The following SDK1 variants were observed in gnomAD, a reference collection of about 807,000 sequenced individuals.
SDK1 encodes protein sidekick-1.
SDK1 carries 157 observed loss-of-function variants against 245.5 expected under a neutral mutation model. The ratio of observed to expected loss-of-function variants is 0.64; its 90% CI spans 0.56 to 0.73. The LOEUF (loss-of-function observed/expected upper bound fraction) is 0.73. SDK1 is among the 30% of genes least tolerant of loss of function. SDK1 has a pLI of 0.00. For missense variants in SDK1, 3,583 were observed against 3,002.3 expected, an observed-to-expected ratio of 1.19 and a Z score of -4.52; for synonymous variants, 1,647 against 1,278.5, an observed-to-expected ratio of 1.29 and a Z score of -6.15.
At chr7:3,929,837 A>C (rs1321411384) in intron 5 of SDK1, among the ~76,000 whole-genome samples, 1 of 152,128 alleles carries the variant, frequency 6.6e-6, no homozygotes, top group Non-Finnish European at 1.5e-5. Flanking sequence ...GTAATTTATA[A>C]GGAAGCTGGC....
chr7:3,695,408 A>G (rs939600408), intron 4 of SDK1, among the ~76,000 whole-genome samples: 9 of 152,218 alleles, frequency 5.9e-5, no homozygotes, highest in East Asian at 1.9e-4. Flanking sequence ...TGTTTTCTAT[A>G]GGCACCCATA....
intron 5 of SDK1, among the ~76,000 whole-genome samples, chr7:3,871,550 C>T (rs1249771190): frequency 1.3e-5 from 2 of 152,196 alleles, no homozygotes; most frequent in Admixed American, 6.5e-5. Flanking sequence ...GTGCAGGAAG[C>T]ACGGTGCCAG....
At chr7:4,058,372 G>A (rs570192725) in intron 19 of SDK1, among the ~76,000 whole-genome samples, 1 of 152,150 alleles carries the variant, frequency 6.6e-6, no homozygotes, top group Non-Finnish European at 1.5e-5. Context: ...AAAGGAATGA[G>A]TATTTGAATT....
chr7:4,183,306 C>T (rs1287611286), intron 35 of SDK1, among the ~76,000 whole-genome samples: 2 of 152,124 alleles, frequency 1.3e-5, no homozygotes, highest in African/African-American at 4.8e-5. Context: ...TTTGTGACCT[C>T]TGGTCACATG....
chr7:3,449,282 C>G (rs1780440583), intron 1 of SDK1, among the ~76,000 whole-genome samples: 2 of 151,590 alleles, frequency 1.3e-5, no homozygotes, highest in African/African-American at 4.8e-5. Flanking sequence ...CCTTTATGCC[C>G]TGCACAGAGC....
intron 1 of SDK1, among the ~76,000 whole-genome samples, chr7:3,435,986 G>C (rs1187679252): frequency 1.3e-5 from 2 of 152,128 alleles, no homozygotes; most frequent in Non-Finnish European, 2.9e-5. Context: ...ACTTTGGAGA[G>C]GTTTAAATTC....
At chr7:3,500,313 C>T (rs1486436717) in intron 1 of SDK1, among the ~76,000 whole-genome samples, 1 of 152,122 alleles carries the variant, frequency 6.6e-6, no homozygotes, top group South Asian at 2.1e-4. Context: ...GTTAGTGGAA[C>T]ATGTCATCTG....
chr7:3,702,779 T>C (rs1159417294), intron 4 of SDK1, among the ~76,000 whole-genome samples: 1 of 152,198 alleles, frequency 6.6e-6, no homozygotes, highest in African/African-American at 2.4e-5. Context: ...TTCAGCATTT[T>C]TACTCATGGT....
In SDK1 at chr7:4,149,250, A is replaced by T; in HGVS notation, c.4424-12A>T. The T allele has an allele frequency of 1.3e-6, 2 of 1,505,192 alleles. No individual in the cohort carries two copies. The highest frequency in any genetic ancestry group is 1.8e-6 in the Non-Finnish European group (2 of 1,127,146). 93.2% of individuals were successfully genotyped at this position (1,505,192 alleles called of 1,614,324 possible). ...TCTCACATGTCCCTGGTCTGTCCTCATTTGGTTGCAGAGCGGCCGGCACCC... is the reference window on the plus strand; with the variant it reads ...TCTCACATGTCCCTGGTCTGTCCTCTTTTGGTTGCAGAGCGGCCGGCACCC... On this transcript the variant is annotated splice_polypyrimidine_tract_variant and intron_variant, in intron 29 of 44. Coordinates refer to ENST00000404826, the MANE Select transcript of SDK1 (RefSeq NM_152744.4).
intron 4 of SDK1, among the ~76,000 whole-genome samples, chr7:3,791,166 A>AC (rs1554262745): frequency 7.8e-5 from 11 of 140,320 alleles, no homozygotes; most frequent in African/African-American, 2.9e-4. Flanking sequence ...TAAAAACAAC[A>AC]AAAAAAAAAA....
chr7:4,132,658 G>A, intron 28 of SDK1: 1 of 420,618 alleles, frequency 2.4e-6, no homozygotes, highest in Admixed American at 3.4e-5. Flanking sequence ...AGCCCAGGAG[G>A]TTGAGGCTGC....
At chr7:3,984,072 G>T (rs79059102) in intron 13 of SDK1, among the ~76,000 whole-genome samples, 1 of 152,076 alleles carries the variant, frequency 6.6e-6, no homozygotes, top group Non-Finnish European at 1.5e-5. Flanking sequence ...AGGCTGTTGC[G>T]ACCGTTTTTG....
rs750793574 is a variant in SDK1, at chr7:4,265,363, C to T, written c.6621C>T (p.Thr2207=). Reference sequence around the variant, plus strand: ...GCCCCGGCGCGCGAACTCCGCTCACCGGCTTCTCCTCCTTCGTGTGAGCAA... The same window carrying T: ...GCCCCGGCGCGCGAACTCCGCTCACTGGCTTCTCCTCCTTCGTGTGAGCAA... ...PAGPGARTPL[T]GFSSFV The change falls in exon 45 of 45, where the codon ACC becomes ACT. Residue 2207 remains threonine, a synonymous_variant. Transcript: ENST00000404826. 6.2e-6 allele frequency: 9 copies of T among 1,450,254 alleles called. No individual in the cohort carries two copies. Among genetic ancestry groups the T allele is most frequent in the African/African-American group, 1.5e-5 (1 of 68,030 alleles). 89.8% of individuals were successfully genotyped at this position (1,450,254 alleles called of 1,614,324 possible). A position where few individuals can be genotyped will look rare whatever the true frequency, so the allele number is the denominator to read the frequency against.
chr7:4,084,270 G>C (rs1447126011), intron 22 of SDK1, among the ~76,000 whole-genome samples: 1 of 152,176 alleles, frequency 6.6e-6, no homozygotes, highest in African/African-American at 2.4e-5. Context: ...TTCTTTTTCT[G>C]TCTTGTGATC....
chr7:3,387,049 A>G (rs540289837), intron 1 of SDK1, among the ~76,000 whole-genome samples: 1 of 152,252 alleles, frequency 6.6e-6, no homozygotes, highest in Non-Finnish European at 1.5e-5. Context: ...TCACATTTCA[A>G]AAATGGTTTC....
At chr7:3,848,197 C>G (rs865990935) in intron 5 of SDK1, among the ~76,000 whole-genome samples, 3 of 152,160 alleles carry the variant, frequency 2.0e-5, no homozygotes, top group African/African-American at 7.2e-5. Context: ...ATTATTAAAC[C>G]TATAAAATGT....
intron 5 of SDK1, among the ~76,000 whole-genome samples, chr7:3,914,996 G>A (rs927754606): frequency 6.6e-5 from 10 of 152,184 alleles, no homozygotes; most frequent in African/African-American, 1.9e-4. Context: ...TCAGAATCAT[G>A]CGCCATCCTT....
At chr7:3,974,272 C>G in intron 12 of SDK1, 97 bp from the exon 13 acceptor site, 3 of 979,978 alleles carry the variant, frequency 3.1e-6, no homozygotes, top group Admixed American at 2.4e-5. Flanking sequence ...AGTCCATTCA[C>G]AAGATTGTTA....
intron 4 of SDK1, among the ~76,000 whole-genome samples, chr7:3,723,941 TATAGAGAG>T (rs1427559929): frequency 0.021 from 2,309 of 111,344 alleles, 206 homozygotes; most frequent in Admixed American, 0.037. Flanking sequence ...TATATATATA[TATAGAGAG>T]AGAGAGAGAG....
Sources: gnomAD v4.1 joint callset for allele counts (sites outside exome capture counted in the v4.1 genomes callset) on GRCh38, gnomAD v4.1.1 for gene constraint, MANE v1.5 for transcripts, NCBI Gene and HGNC (gene_info 2026-07-23, HGNC 2026-07-21) for gene names.